Variants in OCA2 observed in about 807,000 individuals in gnomAD.
OCA2 encodes the protein P protein.
OCA2 carries 77 observed loss-of-function variants against 100.2 expected under a neutral mutation model. The ratio of observed to expected loss-of-function variants is 0.77; its 90% CI spans 0.64 to 0.93. The LOEUF is 0.93. Among genes scored for constraint, OCA2 ranks in the 40% least tolerant of loss-of-function variants. The pLI, the probability that OCA2 is intolerant of heterozygous loss-of-function variation, is 0.00. For synonymous variants in OCA2, 432 were observed against 439.2 expected, an observed-to-expected ratio of 0.98 and a Z score of 0.21; for missense variants, 1,062 against 1,089.1, an observed-to-expected ratio of 0.98 and a Z score of 0.35.
intron 18 of OCA2, among the ~76,000 whole-genome samples, chr15:27,941,098 T>C (rs2039631403): frequency 6.6e-6 from 1 of 152,242 alleles, no homozygotes. Flanking sequence ...GACTTGGTTT[T>C]CTATAGTGAA....
intron 14 of OCA2, among the ~76,000 whole-genome samples, chr15:27,980,995 CAT>C (rs1261338175): frequency 6.6e-6 from 1 of 152,208 alleles, no homozygotes; most frequent in East Asian, 1.9e-4. Context: ...ATGAGAATTG[CAT>C]ATGTTAGGCC....
chr15:27,859,368 G>C (rs772378820), intron 21 of OCA2, among the ~76,000 whole-genome samples: 1 of 151,848 alleles, frequency 6.6e-6, no homozygotes, highest in East Asian at 1.9e-4. Context: ...GAAATAAAAA[G>C]GATTATAAAA....
At position 28,055,451 on chromosome 15, in the gene OCA2, G is replaced by A. The variant is rs111328669; in HGVS notation, c.228-23288C>T. Among the ~76,000 whole-genome samples, 725 of 152,266 alleles carry A rather than the reference G, an allele frequency of 4.8e-3. 10 individuals are homozygous for A. Among genetic ancestry groups the A allele is most frequent in the African/African-American group, 0.017 (695 of 41,562 alleles). On this transcript the variant is annotated intron_variant, in intron 2 of 23. Coordinates refer to ENST00000354638, the MANE Select transcript of OCA2 (RefSeq NM_000275.3). ...TTCAATGCTGTTTCCCCTGAGAACCGCTCATTGCAGAAGTTCGAGGGCTTT... is the reference window on the plus strand; with the variant it reads ...TTCAATGCTGTTTCCCCTGAGAACCACTCATTGCAGAAGTTCGAGGGCTTT...
At chr15:27,862,781 G>C (rs2036184793) in intron 21 of OCA2, among the ~76,000 whole-genome samples, 1 of 152,142 alleles carries the variant, frequency 6.6e-6, no homozygotes, top group African/African-American at 2.4e-5. Context: ...AGCCTCCTCA[G>C]ACATTTTAAG....
chr15:27,993,231 G>A (rs1393349338), intron 9 of OCA2, among the ~76,000 whole-genome samples: 5 of 152,072 alleles, frequency 3.3e-5, no homozygotes, highest in Admixed American at 2.0e-4. Context: ...CTGTGCACCC[G>A]GCCCTGGATT....
intron 14 of OCA2, among the ~76,000 whole-genome samples, chr15:27,967,200 G>C (rs2040600499): frequency 6.6e-6 from 1 of 152,130 alleles, no homozygotes; most frequent in Non-Finnish European, 1.5e-5. Flanking sequence ...CTGAGTCAGG[G>C]TCCAGGGAGG....
chr15:27,927,784 C>CTTTTTTT (rs34037519), intron 18 of OCA2, among the ~76,000 whole-genome samples: 23 of 69,348 alleles, frequency 3.3e-4, no homozygotes, highest in African/African-American at 7.2e-4. Flanking sequence ...CTTTGAGCAT[C>CTTTTTTT]TTTTTTTTTT....
At chr15:28,093,916 G>T (rs1435399004) in intron 1 of OCA2, among the ~76,000 whole-genome samples, 1 of 152,192 alleles carries the variant, frequency 6.6e-6, no homozygotes, top group Non-Finnish European at 1.5e-5. Context: ...ACAGGTTAGT[G>T]GTTGTCCGGG....
At position 27,791,333 on chromosome 15, in the gene OCA2, A is replaced by G. The variant is rs561851628; in HGVS notation, c.2433-35861T>C. 5.3e-4 allele frequency among the ~76,000 whole-genome samples: 80 copies of G among 152,354 alleles called. 1 individual carries two copies. In the South Asian group the frequency reaches 0.014, roughly 27 times the overall value. On this transcript the variant is annotated intron_variant, in intron 23 of 23. Transcript: ENST00000354638. ...GAGTAGGATCCTACACAGCTATACAATGAAACAAACTATTGATGTAAGCAG... is the reference window on the plus strand; with the variant it reads ...GAGTAGGATCCTACACAGCTATACAGTGAAACAAACTATTGATGTAAGCAG...
chr15:27,858,477 T>C (rs1595527909), intron 21 of OCA2, among the ~76,000 whole-genome samples: 2 of 150,688 alleles, frequency 1.3e-5, no homozygotes, highest in African/African-American at 4.9e-5. Context: ...TCTCTTTAGA[T>C]ACAAGGACAC....
intron 23 of OCA2, 125 bp from the exon 24 acceptor site, chr15:27,755,597 A>G: frequency 1.4e-6 from 1 of 730,348 alleles, no homozygotes; most frequent in South Asian, 1.5e-5. Flanking sequence ...ACTACCTTTT[A>G]TTTCCATAAA....
rs372093789 is a variant in OCA2 at position 28,047,616 on chromosome 15, G to A, written c.228-15453C>T. ...AGGAATAGAAGAGAACTGCCTCAAC[G>A]TGATAAAGGATATATATGAAAAACC... On this transcript the variant is annotated intron_variant, in intron 2 of 23. Transcript: ENST00000354638. 2.5e-3 allele frequency among the ~76,000 whole-genome samples: 381 copies of A among 152,234 alleles called. 2 individuals are homozygous for A. Among genetic ancestry groups the A allele is most frequent in the African/African-American group, 8.7e-3 (361 of 41,548 alleles).
intron 21 of OCA2, among the ~76,000 whole-genome samples, chr15:27,853,810 C>G (rs561998281): frequency 6.6e-6 from 1 of 152,244 alleles, no homozygotes; most frequent in Admixed American, 6.5e-5. Flanking sequence ...TAAAGAGCAG[C>G]AGGAGGAGAG....
At chr15:27,942,944 G>C (rs1475612952) in intron 18 of OCA2, among the ~76,000 whole-genome samples, 1 of 152,100 alleles carries the variant, frequency 6.6e-6, no homozygotes, top group Admixed American at 6.5e-5. Context: ...AATTAGAATA[G>C]AGCCATCCAG....
chr15:27,899,933 C>G (rs780749055), intron 19 of OCA2, among the ~76,000 whole-genome samples: 6 of 152,104 alleles, frequency 3.9e-5, no homozygotes, highest in Non-Finnish European at 7.4e-5. Flanking sequence ...GCAATTTTTG[C>G]CCCCTGTCTT....
At chr15:27,903,114 C>T (rs1218032179) in intron 19 of OCA2, among the ~76,000 whole-genome samples, 1 of 152,242 alleles carries the variant, frequency 6.6e-6, no homozygotes, top group Non-Finnish European at 1.5e-5. Flanking sequence ...GGTCCCAGCG[C>T]TCCTGCGCCC....
At chr15:28,003,093 G>C (rs1167205690) in intron 9 of OCA2, among the ~76,000 whole-genome samples, 2 of 152,220 alleles carry the variant, frequency 1.3e-5, no homozygotes, top group Non-Finnish European at 2.9e-5. Flanking sequence ...CGTCAGCCAC[G>C]CACGGACTGT....
At chr15:28,087,693 G>A (rs766937274) in intron 1 of OCA2, among the ~76,000 whole-genome samples, 2 of 152,216 alleles carry the variant, frequency 1.3e-5, no homozygotes, top group Non-Finnish European at 2.9e-5. Flanking sequence ...GCTTCAGTGA[G>A]TCAGGATTGT....
Position 28,073,300 on chromosome 15 carries a change from G to A in OCA2, c.227+8348C>T, listed in dbSNP as rs559255817. The stretch of plus-strand genomic sequence containing the variant: ...GTGGTGGCGAGCAACTATAATCCCA[G>A]CTGCTTGGGAGGCTGAGGCGAGGTA... On this transcript the variant is annotated intron_variant, in intron 2 of 23. Coordinates refer to ENST00000354638, the MANE Select transcript of OCA2 (RefSeq NM_000275.3). 2.6e-5 allele frequency among the ~76,000 whole-genome samples: 4 copies of A among 152,278 alleles called. No individual in the cohort carries two copies. In the East Asian group the frequency reaches 7.7e-4, roughly 29 times the overall value.
Sources: gnomAD v4.1 joint callset for allele counts (sites outside exome capture counted in the v4.1 genomes callset) on GRCh38, gnomAD v4.1.1 for gene constraint, MANE v1.5 for transcripts, NCBI Gene and HGNC (gene_info 2026-07-23, HGNC 2026-07-21) for gene names.